The following FRMD4A variants were observed in gnomAD, a reference collection of about 807,000 sequenced individuals.
FRMD4A encodes the protein FERM domain containing 4A, also known as FERM domain-containing protein 4A.
In FRMD4A, 29 loss-of-function variants were observed where a neutral mutation model predicts 129.1. That is an observed-to-expected ratio of 0.22 (90% CI 0.17 to 0.31). The LOEUF (loss-of-function observed/expected upper bound fraction) is 0.31. Ranked by LOEUF, FRMD4A falls within the 10% of genes least tolerant of loss-of-function variation. FRMD4A has a pLI of 1.00. For missense variants in FRMD4A, 1,272 were observed against 1,375.8 expected (o/e 0.92, Z 1.19); for synonymous variants, 634 against 571.6 (o/e 1.11, Z -1.56).
At chr10:14,039,460 ATCTATCTATCT>A (rs371299079) in intron 2 of FRMD4A, among the ~76,000 whole-genome samples, 7,829 of 69,624 alleles carry the variant, frequency 0.11, 289 homozygotes, top group Non-Finnish European at 0.12. Flanking sequence ...CAATCAATCT[ATCTATCTATCT>A]ATCTATCTAT....
At chr10:14,087,073 G>C (rs1836324205) in intron 2 of FRMD4A, among the ~76,000 whole-genome samples, 1 of 151,960 alleles carries the variant, frequency 6.6e-6, no homozygotes, top group Admixed American at 6.6e-5. Flanking sequence ...AAACTGCCAG[G>C]GCAAATTGGA....
chr10:14,014,167 T>C (rs1284946807), intron 2 of FRMD4A, among the ~76,000 whole-genome samples: 1 of 152,138 alleles, frequency 6.6e-6, no homozygotes, highest in African/African-American at 2.4e-5. Flanking sequence ...AGCTGGGGGA[T>C]GGGAGAAACC....
intron 3 of FRMD4A, among the ~76,000 whole-genome samples, chr10:13,836,928 T>C (rs1415268643): frequency 1.3e-5 from 2 of 152,054 alleles, no homozygotes; most frequent in African/African-American, 4.8e-5. Flanking sequence ...CGGCTAATTT[T>C]TTGTATTTTT....
chr10:13,974,668 A>C (rs1182178940), intron 2 of FRMD4A, among the ~76,000 whole-genome samples: 1 of 152,158 alleles, frequency 6.6e-6, no homozygotes. Context: ...CTGGGATTAC[A>C]GGCACCCGCC....
At chr10:13,798,685 C>G (rs1406393224) in intron 4 of FRMD4A, among the ~76,000 whole-genome samples, 2 of 152,212 alleles carry the variant, frequency 1.3e-5, no homozygotes, top group Non-Finnish European at 2.9e-5. Context: ...CCACCGCACT[C>G]CAGCCTGGGT....
At chr10:13,931,408 T>C (rs1246886187) in intron 2 of FRMD4A, among the ~76,000 whole-genome samples, 1 of 152,122 alleles carries the variant, frequency 6.6e-6, no homozygotes, top group African/African-American at 2.4e-5. Flanking sequence ...CTAGGCTTCA[T>C]CCATTGCTGT....
At chr10:14,108,169 G>T (rs532252644) in intron 2 of FRMD4A, among the ~76,000 whole-genome samples, 1 of 151,996 alleles carries the variant, frequency 6.6e-6, no homozygotes, top group Non-Finnish European at 1.5e-5. Context: ...TTTTCATGTC[G>T]CTTTAATTGG....
chr10:14,184,184 C>T lies in FRMD4A; in HGVS notation c.45+145874G>A, dbSNP rs559626066. Among the ~76,000 whole-genome samples, 202 of 136,232 alleles carry T rather than the reference C, an allele frequency of 1.5e-3. 1 individual carries two copies. The highest frequency in any genetic ancestry group is 8.6e-3 in the Middle Eastern group (2 of 232). 89.4% of individuals were successfully genotyped at this position (136,232 alleles called of 152,430 possible). ...TCACTCTCTGTTGCCCAGGCTGGAG[C>T]GCGGTGGTGCCATCTCGGCTCACTG... is the stretch of plus-strand genomic sequence containing the variant. On this transcript the variant is annotated intron_variant, in intron 2 of 24. Coordinates refer to ENST00000357447, the MANE Select transcript of FRMD4A (RefSeq NM_018027.5).
At chr10:13,924,221 A>G (rs571213776) in intron 2 of FRMD4A, among the ~76,000 whole-genome samples, 1 of 152,298 alleles carries the variant, frequency 6.6e-6, no homozygotes, top group East Asian at 1.9e-4. Flanking sequence ...TCTATTGTCC[A>G]TGCCATGGCC....
chr10:13,814,696 A>T (rs762699705), intron 3 of FRMD4A, among the ~76,000 whole-genome samples: 8 of 152,046 alleles, frequency 5.3e-5, no homozygotes, highest in Admixed American at 6.6e-5. Context: ...AGAGAGAAAA[A>T]AAAGAGAGCT....
chr10:13,649,035 G>T (rs926161874), intron 24 of FRMD4A, among the ~76,000 whole-genome samples: 1 of 152,186 alleles, frequency 6.6e-6, no homozygotes, highest in African/African-American at 2.4e-5. Context: ...GGATTAGTTT[G>T]CCACAGAACT....
intron 2 of FRMD4A, among the ~76,000 whole-genome samples, chr10:14,075,494 C>T (rs1044039583): frequency 6.6e-6 from 1 of 152,196 alleles, no homozygotes; most frequent in African/African-American, 2.4e-5. Context: ...GTGCCTATCT[C>T]TTTCTGTCGT....
chr10:14,136,882 A>C (rs923001142), intron 2 of FRMD4A, among the ~76,000 whole-genome samples: 2 of 152,220 alleles, frequency 1.3e-5, no homozygotes, highest in Non-Finnish European at 2.9e-5. Flanking sequence ...AAATGGACTG[A>C]GACCTGTCTC....
chr10:14,101,629 G>A (rs1259451332), intron 2 of FRMD4A, among the ~76,000 whole-genome samples: 6 of 152,244 alleles, frequency 3.9e-5, no homozygotes, highest in South Asian at 2.1e-4. Flanking sequence ...TTGATGACAC[G>A]TTCTACTTAT....
intron 23 of FRMD4A, chr10:13,652,742 G>T (rs72767569): frequency 0.054 from 8,258 of 152,302 alleles, 356 homozygotes; most frequent in Non-Finnish European, 0.073. Context: ...GGATCGTTCA[G>T]TGGTTGTCAA....
chr10:13,981,930 G>A (rs1037347344), intron 2 of FRMD4A, among the ~76,000 whole-genome samples: 9 of 152,140 alleles, frequency 5.9e-5, no homozygotes, highest in East Asian at 1.9e-4. Context: ...GTTACCTGCC[G>A]GATTATATGT....
chr10:14,199,350 C>T (rs1842565427), intron 2 of FRMD4A, among the ~76,000 whole-genome samples: 1 of 151,362 alleles, frequency 6.6e-6, no homozygotes, highest in South Asian at 2.1e-4. Flanking sequence ...CAGAGTCTTA[C>T]TCTGTCACCC....
intron 2 of FRMD4A, among the ~76,000 whole-genome samples, chr10:14,142,966 G>A (rs1009919350): frequency 2.2e-4 from 31 of 143,046 alleles, no homozygotes; most frequent in African/African-American, 7.1e-4. Context: ...CACCTCATTA[G>A]GATGGCTATG....
At chr10:13,698,914 CCTT>C (rs1332108046) in intron 14 of FRMD4A, among the ~76,000 whole-genome samples, 1 of 152,188 alleles carries the variant, frequency 6.6e-6, no homozygotes, top group Non-Finnish European at 1.5e-5. Context: ...TTCTCCTTCT[CCTT>C]CTGGGAGCGT....
Sources: gnomAD v4.1 joint callset for allele counts (sites outside exome capture counted in the v4.1 genomes callset) on GRCh38, gnomAD v4.1.1 for gene constraint, MANE v1.5 for transcripts, NCBI Gene and HGNC (gene_info 2026-07-23, HGNC 2026-07-21) for gene names.